The following REL variants were observed in gnomAD, a reference collection of about 807,000 sequenced individuals.
REL encodes the protein proto-oncogene c-Rel.
A neutral mutation model predicts 45.9 loss-of-function variants in REL; 15 were observed. The observed-to-expected ratio is 0.33, with a 90% CI of 0.22 to 0.50. The LOEUF is 0.50. Among genes scored for constraint, REL ranks in the 20% least tolerant of loss-of-function variants. The pLI is 0.98. For synonymous variants in REL, 239 were observed against 242.1 expected, an observed-to-expected ratio of 0.99 and a Z score of 0.12; for missense variants, 601 against 715.2, an observed-to-expected ratio of 0.84 and a Z score of 1.82.
At chr2:60,899,492 GT>G (rs1327777017) in intron 3 of REL, 2 of 152,128 alleles carry the variant, frequency 1.3e-5, no homozygotes, top group East Asian at 3.8e-4. Flanking sequence ...AAAAAAAAAT[GT>G]TTTTTAAGAT....
intron 4 of REL, among the ~76,000 whole-genome samples, chr2:60,909,866 G>T (rs1213766199): frequency 6.6e-6 from 1 of 152,014 alleles, no homozygotes; most frequent in Non-Finnish European, 1.5e-5. Flanking sequence ...TGGCGCCACT[G>T]CACTCCAGCC....
chr2:60,916,697 T>C lies in REL; in HGVS notation c.395-180T>C, dbSNP rs539169659. Among the ~76,000 whole-genome samples, 19 of 152,308 alleles carry C rather than the reference T, an allele frequency of 1.2e-4. No homozygotes were observed. The East Asian group carries it at 3.7e-3, about 29-fold the overall frequency. On this transcript the variant is annotated intron_variant, in intron 4 of 9. Transcript: ENST00000394479. ...CTATAATTTATCAAATACTGTTAGA[T>C]AGTGATTACTTGATAAGAATGATAA...
chr2:60,909,948 T>A (rs909155128), intron 4 of REL, among the ~76,000 whole-genome samples: 1 of 152,118 alleles, frequency 6.6e-6, no homozygotes, highest in Non-Finnish European at 1.5e-5. Context: ...TTTTGCCTTG[T>A]TATTTATTTT....
At chr2:60,896,739 G>C (rs1325017981) in intron 3 of REL, among the ~76,000 whole-genome samples, 1 of 152,074 alleles carries the variant, frequency 6.6e-6, no homozygotes, top group African/African-American at 2.4e-5. Context: ...CTTGCTTTCT[G>C]TGAAAACAAA....
rs764108369 is a variant in REL at position 60,918,234 on chromosome 2, G to C, written c.579G>C (p.Lys193Asn). 2 of 1,610,662 alleles carry C rather than the reference G, an allele frequency of 1.2e-6. No individual in the cohort carries two copies. The highest frequency in any genetic ancestry group is 1.7e-6 in the Non-Finnish European group (2 of 1,178,132). The change falls in exon 6 of 10, where the codon AAG (lysine) becomes AAC (asparagine). Residue 193 changes from lysine to asparagine, a missense_variant. Lys to Asn is a moderately conservative substitution (Grantham distance 94, BLOSUM62 0). Transcript: ENST00000394479. ...TAELRICRVN[K>N]NCGSVRGGDE... ...AATTAAGGATTTGTCGTGTAAACAA[G>C]AATTGTGGAAGTGTCAGAGGAGGAG... is the stretch of plus-strand genomic sequence containing the variant.
In REL at chr2:60,921,988, C is replaced by G; in HGVS notation, c.1217C>G (p.Ser406Cys). The G allele has an allele frequency of 6.2e-7, 1 of 1,614,192 alleles. No individual in the cohort carries two copies. The highest frequency in any genetic ancestry group is 8.5e-7 in the Non-Finnish European group (1 of 1,180,028). ...LSSFSTRTLP[S>C]NSQGIPPFLR... ...AGTTTTTCAACAAGGACACTTCCTTCTAATTCGCAAGGTATCCCACCATTC... is the reference window on the plus strand; with the variant it reads ...AGTTTTTCAACAAGGACACTTCCTTGTAATTCGCAAGGTATCCCACCATTC... The change falls in exon 10 of 10, where the codon TCT becomes TGT. Residue 406 changes from serine to cysteine, a missense_variant. Transcript: ENST00000394479.
At chr2:60,885,813 G>A (rs890352395) in intron 1 of REL, among the ~76,000 whole-genome samples, 1 of 152,148 alleles carries the variant, frequency 6.6e-6, no homozygotes, top group African/African-American at 2.4e-5. Flanking sequence ...TCTCAACTGT[G>A]GTGTTGACAC....
Position 60,901,045 on chromosome 2 carries a change from T to C in REL, c.356T>C (p.Ile119Thr), listed in dbSNP as rs1450316555. The change falls in exon 4 of 10, where the codon ATT becomes ACT. Residue 119 changes from isoleucine to threonine, a missense_variant. Ile to Thr is a moderately conservative substitution (Grantham distance 89, BLOSUM62 -1). This residue lies in a region of REL where 241 missense variants were observed against 347.0 expected (regional missense o/e 0.69). Coordinates refer to ENST00000394479, the MANE Select transcript of REL (RefSeq NM_001291746.2). ...CVKKKEVKEA[I>T]ITRIKAGINP... ...AAGAAAAAAGAAGTAAAAGAAGCTA[T>C]TATTACAAGAATAAAGGCAGGAATC... 3 of 1,610,210 alleles carry C rather than the reference T, an allele frequency of 1.9e-6. No homozygotes were observed. Among genetic ancestry groups the C allele is most frequent in the Non-Finnish European group, 2.5e-6 (3 of 1,178,800 alleles).
At position 60,931,592 on chromosome 2, in the gene REL, AAATG is replaced by A. The variant is rs2104006742; in HGVS notation, c.*9058_*9061del. The A allele has an allele frequency of 6.6e-6, 1 of 152,348 alleles. No homozygotes were observed. The highest frequency in any genetic ancestry group is 1.9e-4 in the East Asian group (1 of 5,210). 9.4% of individuals were successfully genotyped at this position (152,348 alleles called of 1,614,324 possible). A position where few individuals can be genotyped will look rare whatever the true frequency, so the allele number is the denominator to read the frequency against. Reference sequence around the variant, plus strand: ...ATATAGTGATTTTTTTCTTGATAATAAATGGAAAAATTCTAAAACACTTGCTGAA... The same window carrying A: ...ATATAGTGATTTTTTTCTTGATAATAGAAAAATTCTAAAACACTTGCTGAA... On this transcript the variant is annotated 3_prime_UTR_variant, in exon 10 of 10. Transcript: ENST00000394479.
Position 60,928,000 on chromosome 2 carries a change from T to C in REL, c.*5465T>C, listed in dbSNP as rs1356057192. The C allele has an allele frequency of 1.4e-5, 3 of 208,842 alleles. No individual in the cohort carries two copies. Among genetic ancestry groups the C allele is most frequent in the East Asian group, 7.0e-5 (1 of 14,188 alleles). The allele number at this position is 208,842 out of a possible 1,614,324, so 12.9% of individuals were successfully genotyped here. Reference sequence around the variant, plus strand: ...CCTAATACTTCAGGAAAACTCATGATGGTTTCCATGTTAAGAGAGACATGG... The same window carrying C: ...CCTAATACTTCAGGAAAACTCATGACGGTTTCCATGTTAAGAGAGACATGG... On this transcript the variant is annotated 3_prime_UTR_variant, in exon 10 of 10. Coordinates refer to ENST00000394479, the MANE Select transcript of REL (RefSeq NM_001291746.2).
At position 60,927,377 on chromosome 2, in the gene REL, C is replaced by CCA. The variant is rs1198938272; in HGVS notation, c.*4852_*4853dup. The CCA allele has an allele frequency of 8.2e-5, 19 of 231,762 alleles. No homozygotes were observed. The highest frequency in any genetic ancestry group is 1.3e-4 in the Non-Finnish European group (15 of 117,046). 14.4% of individuals were successfully genotyped at this position (231,762 alleles called of 1,614,324 possible). On this transcript the variant is annotated 3_prime_UTR_variant, in exon 10 of 10. Coordinates refer to ENST00000394479, the MANE Select transcript of REL (RefSeq NM_001291746.2). The stretch of plus-strand genomic sequence containing the variant: ...CTTGACCTGCTGCTTCCCTTTTTTA[C>CCA]CACACACACACGCACACATACCACA...
At chr2:60,916,425 A>C (rs36027113) in intron 4 of REL, among the ~76,000 whole-genome samples, 14 of 152,286 alleles carry the variant, frequency 9.2e-5, no homozygotes, top group African/African-American at 3.4e-4. Context: ...AAAAAAACGA[A>C]CTAAACTCAG....
intron 4 of REL, among the ~76,000 whole-genome samples, chr2:60,907,304 G>A (rs1673688120): frequency 6.6e-6 from 1 of 152,152 alleles, no homozygotes; most frequent in African/African-American, 2.4e-5. Context: ...TCTGGAGGAT[G>A]AGGACTGTCT....
chr2:60,895,625 A>G (rs1377207040), intron 3 of REL, among the ~76,000 whole-genome samples: 1 of 152,248 alleles, frequency 6.6e-6, no homozygotes, highest in Admixed American at 6.5e-5. Context: ...ACTTCATGAT[A>G]GTGAGGCTAC....
rs562105231 is a variant in REL, at chr2:60,907,983, C to T, written c.394+6900C>T. On this transcript the variant is annotated intron_variant, in intron 4 of 9. Transcript: ENST00000394479. ...CTGGGATTACAGGCTTGAGCCACCA[C>T]GCCCCGCCTTATTTGTACTTTTCTA... Among the ~76,000 whole-genome samples the T allele has an allele frequency of 3.2e-4, 49 of 152,098 alleles. No individual in the cohort carries two copies. The Middle Eastern group carries it at 0.01, about 32-fold the overall frequency.
chr2:60,897,772 G>C (rs186629416), intron 3 of REL, among the ~76,000 whole-genome samples: 184 of 151,124 alleles, frequency 1.2e-3, no homozygotes, highest in Non-Finnish European at 7.4e-5. Flanking sequence ...CATGCCTGTA[G>C]TTACAGCTAC....
At chr2:60,921,533 G>A (rs964664535) in intron 9 of REL, among the ~76,000 whole-genome samples, 2 of 152,070 alleles carry the variant, frequency 1.3e-5, no homozygotes, top group Non-Finnish European at 2.9e-5. Flanking sequence ...AAAGTAACTT[G>A]CCAAAATCAT....
At chr2:60,919,815 C>T (rs891852160) in intron 7 of REL, among the ~76,000 whole-genome samples, 2 of 152,148 alleles carry the variant, frequency 1.3e-5, no homozygotes, top group Non-Finnish European at 2.9e-5. Flanking sequence ...CCTGCCTCAG[C>T]CTCCCAAAGT....
chr2:60,905,018 G>A (rs566904360), intron 4 of REL, among the ~76,000 whole-genome samples: 5 of 152,310 alleles, frequency 3.3e-5, no homozygotes, highest in African/African-American at 1.2e-4. Flanking sequence ...CCGCCTGGAT[G>A]AATATTGATT....
Sources: gnomAD v4.1 joint callset for allele counts (sites outside exome capture counted in the v4.1 genomes callset) on GRCh38, gnomAD v4.1.1 for gene constraint, gnomAD v4.1.1 regional missense constraint, MANE v1.5 for transcripts, NCBI Gene and HGNC (gene_info 2026-07-23, HGNC 2026-07-21) for gene names.